Variants in ERO1A observed in about 807,000 individuals in gnomAD.
ERO1A encodes endoplasmic reticulum oxidoreductase 1 alpha.
A neutral mutation model predicts 76.9 loss-of-function variants in ERO1A; 49 were observed. The observed-to-expected ratio is 0.64, with a 90% CI of 0.51 to 0.81. ERO1A has a LOEUF of 0.81. ERO1A is among the 30% of genes least tolerant of loss of function. The pLI, the probability that ERO1A is intolerant of heterozygous loss-of-function variation, is 0.00. For missense variants in ERO1A, 448 were observed against 542.1 expected, an observed-to-expected ratio of 0.83 and a Z score of 1.72; for synonymous variants, 174 against 181.2, an observed-to-expected ratio of 0.96 and a Z score of 0.32.
At position 52,653,218 on chromosome 14, in the gene ERO1A, C is replaced by A; in HGVS notation, c.906G>T (p.Lys302Asn). The A allele has an allele frequency of 6.2e-7, 1 of 1,613,042 alleles. No individual in the cohort carries two copies. Among genetic ancestry groups the A allele is most frequent in the Non-Finnish European group, 8.5e-7 (1 of 1,179,320 alleles). ...LTEGEGPRRL[K>N]NLYFLYLIEL... ...CTATTAAGTAGAGAAAATACAAGTT[C>A]TTAAGCCTTCTTGGACCTTCTCCTT... The change falls in exon 12 of 16, where the codon AAG becomes AAT. Residue 302 changes from lysine to asparagine, a missense_variant. Physicochemically the swap from Lys to Asn is moderately conservative, Grantham distance 94. Coordinates refer to ENST00000395686, the MANE Select transcript of ERO1A (RefSeq NM_014584.3).
intron 1 of ERO1A, among the ~76,000 whole-genome samples, chr14:52,684,150 C>CAGAG (rs797002566): frequency 2.9e-5 from 4 of 139,276 alleles, no homozygotes; most frequent in East Asian, 2.0e-4. Flanking sequence ...CACACACACA[C>CAGAG]AGAGAGAGTT....
intron 9 of ERO1A, among the ~76,000 whole-genome samples, chr14:52,660,700 A>C (rs1031409800): frequency 6.6e-6 from 1 of 152,254 alleles, no homozygotes; most frequent in Non-Finnish European, 1.5e-5. Flanking sequence ...TTCACATTTT[A>C]GCAATTTCAC....
At chr14:52,690,009 C>T (rs975670688) in intron 1 of ERO1A, among the ~76,000 whole-genome samples, 7 of 152,070 alleles carry the variant, frequency 4.6e-5, no homozygotes, top group African/African-American at 1.7e-4. Context: ...TTGACCAAGA[C>T]CAAACAATGG....
intron 3 of ERO1A, among the ~76,000 whole-genome samples, chr14:52,679,725 T>A (rs1566645190): frequency 1.3e-5 from 2 of 152,018 alleles, no homozygotes; most frequent in Non-Finnish European, 2.9e-5. Flanking sequence ...AGAAAAAAGC[T>A]TTTCTCCATC....
chr14:52,662,940 A>G (rs1390678609), intron 8 of ERO1A, among the ~76,000 whole-genome samples: 1 of 152,192 alleles, frequency 6.6e-6, no homozygotes, highest in African/African-American at 2.4e-5. Context: ...CACAGTGGGA[A>G]AGGCCGTAAG....
chr14:52,664,042 T>C, intron 7 of ERO1A, 195 bp from the exon 8 acceptor site: 1 of 401,128 alleles, frequency 2.5e-6, no homozygotes, highest in Non-Finnish European at 4.6e-6. Context: ...CCTGATCTTC[T>C]CCCATTGTGG....
intron 11 of ERO1A, 55 bp from the exon 12 acceptor site, chr14:52,653,370 A>G: frequency 7.0e-7 from 1 of 1,433,234 alleles, no homozygotes; most frequent in Non-Finnish European, 9.4e-7. Context: ...TTTTTACTTT[A>G]ATTATATTAG....
intron 1 of ERO1A, 87 bp from the exon 2 acceptor site, chr14:52,683,994 C>T: frequency 1.0e-6 from 1 of 964,672 alleles, no homozygotes; most frequent in East Asian, 2.6e-5. Context: ...GGAAACAGCC[C>T]CCTACTCAAC....
chr14:52,679,017 C>A (rs1392169801), intron 3 of ERO1A, among the ~76,000 whole-genome samples: 1 of 152,144 alleles, frequency 6.6e-6, no homozygotes, highest in Admixed American at 6.5e-5. Context: ...TTAGTTCACT[C>A]CATACCTGGC....
intron 8 of ERO1A, among the ~76,000 whole-genome samples, chr14:52,661,967 G>C (rs2040247832): frequency 6.6e-6 from 1 of 151,456 alleles, no homozygotes; most frequent in Admixed American, 6.6e-5. Context: ...CCAGCTCAAA[G>C]ATAAATACTA....
intron 10 of ERO1A, 30 bp downstream of exon 10, chr14:52,658,094 A>C: frequency 1.3e-6 from 2 of 1,499,756 alleles, no homozygotes; most frequent in Non-Finnish European, 9.2e-7. Flanking sequence ...AAAAACCATC[A>C]TTGAAATTTA....
intron 11 of ERO1A, among the ~76,000 whole-genome samples, chr14:52,654,086 C>T (rs906966385): frequency 6.6e-6 from 1 of 152,094 alleles, no homozygotes; most frequent in African/African-American, 2.4e-5. Flanking sequence ...CTCAAAAATG[C>T]TGAAAGCAAA....
At position 52,654,755 on chromosome 14, in the gene ERO1A, G is replaced by C. The variant is rs566627239; in HGVS notation, c.809-1440C>G. ...TAAGAGAAATTCTGTTTATTTCCTA[G>C]TTATCTTTAGTTTTGTTTGTCCTAT... On this transcript the variant is annotated intron_variant, in intron 11 of 15. Transcript: ENST00000395686. Among the ~76,000 whole-genome samples the C allele has an allele frequency of 3.0e-4, 46 of 152,228 alleles. No homozygotes were observed. The East Asian group carries it at 4.1e-3, about 13-fold the overall frequency.
chr14:52,660,337 G>T (rs1279335527), intron 9 of ERO1A, among the ~76,000 whole-genome samples: 2 of 152,110 alleles, frequency 1.3e-5, no homozygotes, highest in Non-Finnish European at 2.9e-5. Flanking sequence ...TCTTCAAATA[G>T]AATTGAAAAA....
intron 11 of ERO1A, among the ~76,000 whole-genome samples, chr14:52,655,091 G>T (rs1250934727): frequency 6.6e-6 from 1 of 152,206 alleles, no homozygotes; most frequent in African/African-American, 2.4e-5. Context: ...CACAGGCCAG[G>T]CGTGGTGGCT....
intron 3 of ERO1A, among the ~76,000 whole-genome samples, chr14:52,681,285 T>C (rs2040983904): frequency 6.6e-6 from 1 of 152,200 alleles, no homozygotes; most frequent in Non-Finnish European, 1.5e-5. Flanking sequence ...TACAGTGGAA[T>C]GTTATTCAGC....
chr14:52,684,374 GA>G (rs902699509), intron 1 of ERO1A, among the ~76,000 whole-genome samples: 3 of 152,030 alleles, frequency 2.0e-5, no homozygotes, highest in African/African-American at 7.2e-5. Context: ...GCAAAGAGAG[GA>G]AAAGTTTTTA....
rs1030260683 is a variant in ERO1A, at chr14:52,695,540, G to T, written c.-59C>A. ...GAGGCCAGTCCGCACGCTCGGTCGC[G>T]GGCCGTGCGCCCTCAGATGAAGCCC... On this transcript the variant is annotated 5_prime_UTR_variant, in exon 1 of 16. Coordinates refer to ENST00000395686, the MANE Select transcript of ERO1A (RefSeq NM_014584.3). 7 of 1,268,070 alleles carry T rather than the reference G, an allele frequency of 5.5e-6. No homozygotes were observed. The Admixed American group carries it at 2.0e-4, about 36-fold the overall frequency. 78.6% of individuals were successfully genotyped at this position (1,268,070 alleles called of 1,614,324 possible).
At chr14:52,693,985 T>C (rs892163567) in intron 1 of ERO1A, among the ~76,000 whole-genome samples, 3 of 152,180 alleles carry the variant, frequency 2.0e-5, no homozygotes, top group Non-Finnish European at 4.4e-5. Flanking sequence ...GAATTTAAAG[T>C]TCTATTTTAA....
Sources: gnomAD v4.1 joint callset for allele counts (sites outside exome capture counted in the v4.1 genomes callset) on GRCh38, gnomAD v4.1.1 for gene constraint, MANE v1.5 for transcripts, NCBI Gene and HGNC (gene_info 2026-07-23, HGNC 2026-07-21) for gene names.